CSNK2B: variants seen among roughly 807,000 people sequenced by gnomAD.
CSNK2B encodes the protein casein kinase 2 beta.
In CSNK2B, 2 loss-of-function variants were observed where a neutral mutation model predicts 28.8. The ratio of observed to expected loss-of-function variants is 0.07; its 90% CI spans 0.03 to 0.22. The LOEUF (loss-of-function observed/expected upper bound fraction) is 0.22, where lower values mean the gene tolerates loss of function less well. CSNK2B is among the 10% of genes least tolerant of loss of function. CSNK2B has a pLI of 1.00. For missense variants in CSNK2B, 107 were observed against 277.9 expected, an observed-to-expected ratio of 0.39 and a Z score of 4.37; for synonymous variants, 89 against 96.1, an observed-to-expected ratio of 0.93 and a Z score of 0.43.
At position 31,669,464 on chromosome 6, in the gene CSNK2B, T is replaced by C. The variant is rs1802027838; in HGVS notation, c.513T>C (p.His171=). Residue 171 remains histidine, a synonymous_variant, in exon 6 of 7, where the codon CAT becomes CAC. Coordinates refer to ENST00000375882, the MANE Select transcript of CSNK2B (RefSeq NM_001320.7). The surrounding 1 kb of genome is among the most constrained non-coding windows in gnomAD (Gnocchi z 4.8). The part of the protein sequence containing the change: ...TGFPHMLFMV[H]PEYRPKRPAN... ...TCCCTCACATGCTCTTCATGGTGCA[T>C]CCCGAGTACCGGCCCAAGAGACCTG... The C allele has an allele frequency of 6.2e-7, 1 of 1,612,950 alleles. No homozygotes were observed. Among genetic ancestry groups the C allele is most frequent in the Admixed American group, 1.7e-5 (1 of 59,994 alleles).
Position 31,669,803 on chromosome 6 carries a change from G to A in CSNK2B, c.558-33G>A. ...CTGGCAGGGCCTGGATGGGGCTCAT[G>A]CTGCTGCCTCTCTGACCTCTGCCCT... On this transcript the variant is annotated intron_variant, in intron 6 of 6. Coordinates refer to ENST00000375882, the MANE Select transcript of CSNK2B (RefSeq NM_001320.7). This position sits in a 1 kb window ranked among gnomAD's most constrained non-coding sequence, Gnocchi z 4.8. 6.3e-7 allele frequency: 1 copy of A among 1,577,802 alleles called. No individual in the cohort carries two copies. Among genetic ancestry groups the A allele is most frequent in the East Asian group, 2.2e-5 (1 of 44,688 alleles).
At chr6:31,668,219 GTC>G in intron 3 of CSNK2B, 1 of 609,262 alleles carries the variant, frequency 1.6e-6, no homozygotes, top group Non-Finnish European at 2.9e-6. Context: ...CTGGTTTGTT[GTC>G]TGTTTCTCCT....
rs1030942354 is a variant in CSNK2B, at chr6:31,666,217, G to C, written c.-12+9G>C. On this transcript the variant is annotated intron_variant, in intron 1 of 6. Transcript: ENST00000375882. ...TGGTCCCCGTCCAGCCGGTGAGTCT[G>C]AAGTCGTCGCTGCTCCGAGTCCCTT... 2.0e-6 allele frequency: 2 copies of C among 990,774 alleles called. No homozygotes were observed. The highest frequency in any genetic ancestry group is 2.4e-6 in the Non-Finnish European group (2 of 831,956). 61.4% of individuals were successfully genotyped at this position (990,774 alleles called of 1,614,324 possible). A position where few individuals can be genotyped will look rare whatever the true frequency, so the allele number is the denominator to read the frequency against.
chr6:31,667,407 C>G (rs983124422), intron 2 of CSNK2B: 6 of 352,864 alleles, frequency 1.7e-5, no homozygotes, highest in Admixed American at 3.9e-5. Flanking sequence ...GCTGGGATTA[C>G]AGGCGTGAGC....
At chr6:31,668,461 C>T (rs1801952016) in intron 3 of CSNK2B, 78 bp from the exon 4 acceptor site, 6 of 1,283,070 alleles carry the variant, frequency 4.7e-6, no homozygotes, top group Non-Finnish European at 5.6e-6. Flanking sequence ...ACTGAATAGC[C>T]CGCAGCCCCT....
intron 3 of CSNK2B, 61 bp from the exon 4 acceptor site, chr6:31,668,478 G>A: frequency 3.4e-6 from 5 of 1,466,548 alleles, no homozygotes; most frequent in Non-Finnish European, 4.8e-6. Flanking sequence ...CCCTGGATAT[G>A]GGCAGGGCAC....
chr6:31,667,541 C>T (rs944986371), intron 2 of CSNK2B, among the ~76,000 whole-genome samples: 1 of 152,226 alleles, frequency 6.6e-6, no homozygotes, highest in Non-Finnish European at 1.5e-5. Flanking sequence ...TGCTGTTCAG[C>T]TTCCACCTTC....
chr6:31,668,470 CT>C, intron 3 of CSNK2B, 68 bp from the exon 4 acceptor site: 2 of 1,393,974 alleles, frequency 1.4e-6, no homozygotes, highest in Non-Finnish European at 2.0e-6. Context: ...CCCGCAGCCC[CT>C]GGATATGGGC....
At chr6:31,668,436 G>A in intron 3 of CSNK2B, 103 bp from the exon 4 acceptor site, 2 of 980,136 alleles carry the variant, frequency 2.0e-6, no homozygotes, top group Non-Finnish European at 3.2e-6. Context: ...AGGCCCAAAA[G>A]TAGGTGCTAG....
At chr6:31,667,280 T>G in intron 2 of CSNK2B, 1 of 396,810 alleles carries the variant, frequency 2.5e-6, no homozygotes. Flanking sequence ...TACAAGTGCC[T>G]GCCACCATGC....
chr6:31,666,328 G>A, intron 1 of CSNK2B, 120 bp downstream of exon 1: 1 of 333,504 alleles, frequency 3.0e-6, no homozygotes. Context: ...AGGAGGGAGA[G>A]GTGGCCTGAG....
chr6:31,668,735 C>T, intron 4 of CSNK2B, 81 bp downstream of exon 4: 1 of 1,321,490 alleles, frequency 7.6e-7, no homozygotes, highest in Non-Finnish European at 1.1e-6. Flanking sequence ...ATGTTTAAGC[C>T]CTGTTTAAGG....
chr6:31,666,934 G>A lies in CSNK2B; in HGVS notation c.72+31G>A, dbSNP rs750303693. ...TTCTCTTCAACCTCCCTACTTGCCA[G>A]CTTCACATATCTTCCCACCAGACGT... is the stretch of plus-strand genomic sequence containing the variant. On this transcript the variant is annotated intron_variant, in intron 2 of 6. Transcript: ENST00000375882. The A allele has an allele frequency of 2.6e-6, 4 of 1,526,202 alleles. No homozygotes were observed. The Admixed American group carries it at 5.0e-5, about 19-fold the overall frequency. 94.5% of individuals were successfully genotyped at this position (1,526,202 alleles called of 1,614,324 possible). A position where few individuals can be genotyped will look rare whatever the true frequency, so the allele number is the denominator to read the frequency against.
At chr6:31,667,653 A>G (rs1314665229) in intron 2 of CSNK2B, among the ~76,000 whole-genome samples, 1 of 152,250 alleles carries the variant, frequency 6.6e-6, no homozygotes, top group Non-Finnish European at 1.5e-5. Flanking sequence ...AGATTGCTGT[A>G]TCTACTTATC....
chr6:31,669,579 C>G lies in CSNK2B; in HGVS notation c.557+71C>G, dbSNP rs975804521. On this transcript the variant is annotated intron_variant, in intron 6 of 6. Coordinates refer to ENST00000375882, the MANE Select transcript of CSNK2B (RefSeq NM_001320.7). The surrounding 1 kb of genome is among the most constrained non-coding windows in gnomAD (Gnocchi z 4.8). ...ATCCCCCAGAGAGGGGAGGACAGGG[C>G]ATGGCCCTTTCTTGAGGTCTGCTTC... 2 of 1,508,616 alleles carry G rather than the reference C, an allele frequency of 1.3e-6. No individual in the cohort carries two copies. Among genetic ancestry groups the G allele is most frequent in the African/African-American group, 2.8e-5 (2 of 72,552 alleles). The allele number at this position is 1,508,616 out of a possible 1,614,324, so 93.5% of individuals were successfully genotyped here.
At position 31,668,737 on chromosome 6, in the gene CSNK2B, T is replaced by C. The variant is rs375684747; in HGVS notation, c.291+83T>C. ...GCAGCAAGAAGTCATGTTTAAGCCCTGTTTAAGGAAGCTAGCTGAGAAGAG... is the reference window on the plus strand; with the variant it reads ...GCAGCAAGAAGTCATGTTTAAGCCCCGTTTAAGGAAGCTAGCTGAGAAGAG... On this transcript the variant is annotated intron_variant, in intron 4 of 6. Coordinates refer to ENST00000375882, the MANE Select transcript of CSNK2B (RefSeq NM_001320.7). 48 of 1,296,728 alleles carry C rather than the reference T, an allele frequency of 3.7e-5. No individual in the cohort carries two copies. In the East Asian group the frequency reaches 7.9e-4, roughly 21 times the overall value. 80.3% of individuals were successfully genotyped at this position (1,296,728 alleles called of 1,614,324 possible).
At chr6:31,668,689 A>T (rs1289514167) in intron 4 of CSNK2B, 35 bp downstream of exon 4, 1 of 1,568,328 alleles carries the variant, frequency 6.4e-7, no homozygotes, top group East Asian at 2.2e-5. Flanking sequence ...CCTCCTTCTG[A>T]GCAGTAAGAG....
chr6:31,669,799 T>C lies in CSNK2B; in HGVS notation c.558-37T>C. 1 of 1,563,682 alleles carries C rather than the reference T, an allele frequency of 6.4e-7. No homozygotes were observed. Among genetic ancestry groups the C allele is most frequent in the South Asian group, 1.1e-5 (1 of 87,402 alleles). ...GTGACTGGCAGGGCCTGGATGGGGC[T>C]CATGCTGCTGCCTCTCTGACCTCTG... On this transcript the variant is annotated intron_variant, in intron 6 of 6. Transcript: ENST00000375882. The surrounding 1 kb of genome is among the most constrained non-coding windows in gnomAD (Gnocchi z 4.8).
chr6:31,668,800 C>T, intron 4 of CSNK2B, 146 bp downstream of exon 4: 1 of 717,868 alleles, frequency 1.4e-6, no homozygotes. Context: ...GAATTGAATT[C>T]TGATTGGGGG....
Sources: allele counts gnomAD v4.1 joint callset (sites outside exome capture counted in the v4.1 genomes callset), GRCh38; gene constraint gnomAD v4.1.1; non-coding constraint Gnocchi (gnomAD v3.1); transcripts MANE v1.5; gene names NCBI Gene and HGNC (gene_info 2026-07-23, HGNC 2026-07-21).